MYOM1: variants seen among roughly 807,000 people sequenced by gnomAD.
The protein encoded by MYOM1 is myomesin 1.
MYOM1 carries 164 observed loss-of-function variants against 205.3 expected under a neutral mutation model. That is an observed-to-expected ratio of 0.80 (90% confidence interval 0.70 to 0.91). The LOEUF (loss-of-function observed/expected upper bound fraction) is 0.91. Ranked by LOEUF, MYOM1 falls within the 40% of genes least tolerant of loss-of-function variation. MYOM1 has a pLI of 0.00. For missense variants in MYOM1, 2,011 were observed against 2,127.3 expected, an observed-to-expected ratio of 0.95 and a Z score of 1.08; for synonymous variants, 772 against 789.4, an observed-to-expected ratio of 0.98 and a Z score of 0.37.
chr18:3,228,662 G>GT, the MYOM1 span, among the ~76,000 whole-genome samples: 1 of 152,148 alleles, frequency 6.6e-6, no homozygotes, highest in African/African-American at 2.4e-5. The surrounding 1 kb of genome is among the most constrained non-coding windows in gnomAD (Gnocchi z 4.5). Flanking sequence ...AGTTCAGGGA[G>GT]TTTTAGTCAA....
intron 2 of MYOM1, among the ~76,000 whole-genome samples, chr18:3,197,872 C>CAAAAAAAA (rs200265344): frequency 6.6e-6 from 1 of 151,500 alleles, no homozygotes; most frequent in Admixed American, 6.6e-5. Context: ...GACTCCATCT[C>CAAAAAAAA]AAAAAAGAAA....
intron 22 of MYOM1, among the ~76,000 whole-genome samples, chr18:3,103,648 C>T (rs576496849): frequency 2.9e-4 from 44 of 151,900 alleles, no homozygotes; most frequent in African/African-American, 1.0e-3. Context: ...TTTTAAAAAG[C>T]ATAAAAAAAC....
intron 9 of MYOM1, among the ~76,000 whole-genome samples, chr18:3,167,049 A>G (rs1313186326): frequency 2.0e-5 from 3 of 152,182 alleles, no homozygotes; most frequent in Admixed American, 2.0e-4. Flanking sequence ...GGCAAATTCA[A>G]TTTCTTAAAT....
At chr18:3,142,220 A>G (rs1407312713) in intron 13 of MYOM1, among the ~76,000 whole-genome samples, 157 bp from the exon 14 acceptor site, 5 of 152,110 alleles carry the variant, frequency 3.3e-5, no homozygotes, top group Non-Finnish European at 5.9e-5. Flanking sequence ...AACATCATTC[A>G]TTCATTCATT....
chr18:3,140,009 C>T (rs375431455), intron 14 of MYOM1, among the ~76,000 whole-genome samples: 1 of 152,136 alleles, frequency 6.6e-6, no homozygotes, highest in South Asian at 2.1e-4. Flanking sequence ...GAACCTTCTT[C>T]CTGTGGAGTG....
In MYOM1 at chr18:3,135,993, T is replaced by A. The variant is rs1281538874; in HGVS notation, c.2026-263A>T. Among the ~76,000 whole-genome samples, 2 of 152,154 alleles carry A rather than the reference T, an allele frequency of 1.3e-5. No individual in the cohort carries two copies. Among genetic ancestry groups the A allele is most frequent in the Non-Finnish European group, 2.9e-5 (2 of 68,026 alleles). On this transcript the variant is annotated intron_variant, in intron 14 of 37. Coordinates refer to ENST00000356443, the MANE Select transcript of MYOM1 (RefSeq NM_003803.4). This position sits in a 1 kb window ranked among gnomAD's most constrained non-coding sequence, Gnocchi z 4.1. ...GTAGCTCCCATAATTCCCATGTGTG[T>A]GGGAGGGACCTGGTGGGAGATAATT... is the stretch of plus-strand genomic sequence containing the variant.
At position 3,189,192 on chromosome 18, in the gene MYOM1, C is replaced by T. The variant is rs1440526487; in HGVS notation, c.432-105G>A. 8 of 1,076,578 alleles carry T rather than the reference C, an allele frequency of 7.4e-6. No individual in the cohort carries two copies. The East Asian group carries it at 1.7e-4, about 23-fold the overall frequency. 66.7% of individuals were successfully genotyped at this position (1,076,578 alleles called of 1,614,324 possible). On this transcript the variant is annotated intron_variant, in intron 3 of 37. Coordinates refer to ENST00000356443, the MANE Select transcript of MYOM1 (RefSeq NM_003803.4). This position sits in a 1 kb window ranked among gnomAD's most constrained non-coding sequence, Gnocchi z 4.8. ...CACATCTCAGACACTGTATCCTGCACCAAAAGAAAATCCGACATAGAAAAA... is the reference window on the plus strand; with the variant it reads ...CACATCTCAGACACTGTATCCTGCATCAAAAGAAAATCCGACATAGAAAAA...
At chr18:3,142,308 C>T (rs1441415301) in intron 13 of MYOM1, among the ~76,000 whole-genome samples, 1 of 152,178 alleles carries the variant, frequency 6.6e-6, no homozygotes, top group Non-Finnish European at 1.5e-5. Context: ...ATCACCCACG[C>T]TGGCATGCAG....
At chr18:3,207,744 C>G (rs1386294662) in intron 2 of MYOM1, among the ~76,000 whole-genome samples, 1 of 152,228 alleles carries the variant, frequency 6.6e-6, no homozygotes, top group African/African-American at 2.4e-5. Context: ...TGTTTCACCT[C>G]TGAGCCCAGG....
chr18:3,200,319 T>C (rs1016250509), intron 2 of MYOM1, among the ~76,000 whole-genome samples: 10 of 152,230 alleles, frequency 6.6e-5, no homozygotes, highest in Admixed American at 5.9e-4. Flanking sequence ...ATAAAAGTTA[T>C]GAGACATGCC....
At position 3,090,634 on chromosome 18, in the gene MYOM1, G is replaced by T. The variant is rs749579990; in HGVS notation, c.4009+24C>A. On this transcript the variant is annotated intron_variant, in intron 27 of 37. Coordinates refer to ENST00000356443, the MANE Select transcript of MYOM1 (RefSeq NM_003803.4). ...TTGAAGGGAGTAGCAAAGCCTGCTG[G>T]TTAATGTTCCACGGAATTCTTACCA... 3.0e-5 allele frequency: 48 copies of T among 1,613,392 alleles called. 2 individuals carry two copies. In the South Asian group the frequency reaches 5.2e-4, roughly 17 times the overall value.
intron 3 of MYOM1, among the ~76,000 whole-genome samples, chr18:3,191,317 G>A (rs1598756598): frequency 6.6e-6 from 1 of 152,340 alleles, no homozygotes; most frequent in South Asian, 2.1e-4. Context: ...CACACTGTGA[G>A]TGCAGAGGGC....
At chr18:3,071,766 C>T (rs1016673799) in intron 37 of MYOM1, 68 bp downstream of exon 37, 13 of 1,503,906 alleles carry the variant, frequency 8.6e-6, no homozygotes, top group Middle Eastern at 1.7e-4. Context: ...AAAGAAGGAA[C>T]AAAATCTGGG....
intron 3 of MYOM1, among the ~76,000 whole-genome samples, chr18:3,193,020 G>A (rs900585932): frequency 1.6e-4 from 25 of 151,960 alleles, no homozygotes; most frequent in Admixed American, 1.0e-3. Context: ...TGTAATTCCA[G>A]CACTTTGGGA....
intron 5 of MYOM1, among the ~76,000 whole-genome samples, chr18:3,178,328 T>C (rs1316694610): frequency 2.0e-5 from 3 of 152,186 alleles, no homozygotes; most frequent in Non-Finnish European, 4.4e-5. Flanking sequence ...AACCAAGGCA[T>C]GGGGGTTTCA....
intron 13 of MYOM1, among the ~76,000 whole-genome samples, chr18:3,145,126 T>C (rs2080106714): frequency 6.6e-6 from 1 of 152,062 alleles, no homozygotes; most frequent in Non-Finnish European, 1.5e-5. Flanking sequence ...CTGGCCAACA[T>C]GGTGAAACCC....
chr18:3,169,071 G>GAA, intron 8 of MYOM1, 90 bp from the exon 9 acceptor site: 1 of 725,102 alleles, frequency 1.4e-6, no homozygotes, highest in Non-Finnish European at 1.9e-6. Flanking sequence ...AGCAGTCACA[G>GAA]CAAAAAAAAA....
intron 2 of MYOM1, among the ~76,000 whole-genome samples, chr18:3,202,373 A>C (rs2081079933): frequency 7.2e-6 from 1 of 139,852 alleles, no homozygotes; most frequent in African/African-American, 3.3e-5. Flanking sequence ...ACTCCAAGGA[A>C]CAGGCAGAGG....
chr18:3,085,516 T>G (rs2079143354), intron 30 of MYOM1, among the ~76,000 whole-genome samples: 1 of 152,096 alleles, frequency 6.6e-6, no homozygotes, highest in African/African-American at 2.4e-5. Flanking sequence ...GATGCAGAGA[T>G]GCACCTCTCC....
Sources: gnomAD v4.1 joint callset for allele counts (sites outside exome capture counted in the v4.1 genomes callset) on GRCh38, gnomAD v4.1.1 for gene constraint, Gnocchi (gnomAD v3.1) non-coding constraint, MANE v1.5 for transcripts, NCBI Gene and HGNC (gene_info 2026-07-23, HGNC 2026-07-21) for gene names.